The following LAMA1 variants were observed in gnomAD, a reference collection of about 807,000 sequenced individuals.
The protein encoded by LAMA1 is laminin subunit alpha-1.
A neutral mutation model predicts 348.7 loss-of-function variants in LAMA1; 219 were observed. The ratio of observed to expected loss-of-function variants is 0.63; its 90% CI spans 0.56 to 0.70. LAMA1 has a LOEUF of 0.70. Ranked by LOEUF, LAMA1 falls within the 30% of genes least tolerant of loss-of-function variation. The probability of loss-of-function intolerance (pLI) is 0.00; values close to 1 mark genes in which losing one functional copy is unlikely to be tolerated. For missense variants in LAMA1, 3,744 were observed against 3,888.0 expected (o/e 0.96, Z 0.99); for synonymous variants, 1,487 against 1,491.0 (o/e 1.00, Z 0.06).
chr18:6,947,155 G>A lies in LAMA1; in HGVS notation c.8844+8C>T, dbSNP rs775289886. 1 of 1,614,174 alleles carries A rather than the reference G, an allele frequency of 6.2e-7. No individual in the cohort carries two copies. The highest frequency in any genetic ancestry group is 2.2e-5 in the East Asian group (1 of 44,880). ...GGAGGAAGACCCTCATGGAGAGGAA[G>A]CACCCACCTTGCCGTCCACAAGCTC... On this transcript the variant is annotated splice_region_variant and intron_variant, in intron 61 of 62. Coordinates refer to ENST00000389658, the MANE Select transcript of LAMA1 (RefSeq NM_005559.4).
intron 27 of LAMA1, 30 bp from the exon 28 acceptor site, chr18:7,008,638 C>A (rs766571209): frequency 6.2e-7 from 1 of 1,612,428 alleles, no homozygotes; most frequent in Admixed American, 1.7e-5. Context: ...AGAGAGGAAA[C>A]GCTAACATTT....
rs2057571315 is a variant in LAMA1, at chr18:6,955,461, T to C, written c.8099A>G (p.Gln2700Arg). The C allele has an allele frequency of 6.2e-7, 1 of 1,613,652 alleles. No individual in the cohort carries two copies. Among genetic ancestry groups the C allele is most frequent in the East Asian group, 2.2e-5 (1 of 44,880 alleles). Residue 2700 changes from glutamine to arginine, a missense_variant, in exon 57 of 63, where the codon CAG (glutamine) becomes CGG (arginine). By Grantham distance (43) the Gln-to-Arg change is conservative. Transcript: ENST00000389658. ...LLPEPRAFPE[Q>R]CVVDAALEYV... Reference sequence around the variant, plus strand: ...CTCCAGAGCTGCATCCACCACACACTGTTCCTGTAAGAGACACACAGGGAC... The same window carrying C: ...CTCCAGAGCTGCATCCACCACACACCGTTCCTGTAAGAGACACACAGGGAC...
chr18:7,098,148 G>A (rs199983806), intron 1 of LAMA1, among the ~76,000 whole-genome samples: 3 of 151,788 alleles, frequency 2.0e-5, no homozygotes, highest in East Asian at 3.9e-4. Flanking sequence ...CCTTCACTCA[G>A]TGCTCAATGG....
At chr18:7,116,974 A>G (rs2058359507) in intron 1 of LAMA1, among the ~76,000 whole-genome samples, 4 of 151,800 alleles carry the variant, frequency 2.6e-5, no homozygotes, top group Non-Finnish European at 4.4e-5. Flanking sequence ...CCCACGGTCA[A>G]TCCCGCGCAG....
intron 22 of LAMA1, among the ~76,000 whole-genome samples, chr18:7,014,589 T>G (rs1568031390): frequency 6.6e-6 from 1 of 150,754 alleles, no homozygotes; most frequent in African/African-American, 2.4e-5. Context: ...ACAGTGAGCT[T>G]TGATGGTGTC....
intron 41 of LAMA1, 120 bp from the exon 42 acceptor site, chr18:6,980,757 A>G: frequency 1.5e-6 from 1 of 663,192 alleles, no homozygotes; most frequent in Non-Finnish European, 2.7e-6. Flanking sequence ...GATTCCCAAT[A>G]TTGACAGTTT....
At chr18:6,999,310 GCTTAGA>G in intron 32 of LAMA1, 129 bp downstream of exon 32, 1 of 908,186 alleles carries the variant, frequency 1.1e-6, no homozygotes, top group Non-Finnish European at 1.7e-6. Flanking sequence ...AGTGATCTAT[GCTTAGA>G]AAATAAGAAA....
At chr18:7,101,076 C>T (rs916035009) in intron 1 of LAMA1, among the ~76,000 whole-genome samples, 6 of 152,104 alleles carry the variant, frequency 3.9e-5, no homozygotes, top group African/African-American at 1.4e-4. Flanking sequence ...ATTTCCAGAA[C>T]AGGCACTTCC....
intron 49 of LAMA1, 37 bp downstream of exon 49, chr18:6,966,110 T>C (rs1253837140): frequency 6.2e-7 from 1 of 1,610,726 alleles, no homozygotes; most frequent in Non-Finnish European, 8.5e-7. Flanking sequence ...TAAATGTGTG[T>C]ATACAGTAGG....
At position 7,016,364 on chromosome 18, in the gene LAMA1, G is replaced by A. The variant is rs2057887739; in HGVS notation, c.2989+127C>T. The stretch of plus-strand genomic sequence containing the variant: ...GGACCAGAAACCAGAAAAAAGGTAT[G>A]AAATCCTCCAGGGAAAGAAGAGAAA... On this transcript the variant is annotated intron_variant, in intron 21 of 62. Coordinates refer to ENST00000389658, the MANE Select transcript of LAMA1 (RefSeq NM_005559.4). 4.7e-6 allele frequency: 5 copies of A among 1,064,298 alleles called. No homozygotes were observed. The South Asian group carries it at 6.8e-5, about 14-fold the overall frequency. The allele number at this position is 1,064,298 out of a possible 1,614,324, so 65.9% of individuals were successfully genotyped here. A position where few individuals can be genotyped will look rare whatever the true frequency, so the allele number is the denominator to read the frequency against.
chr18:7,078,401 C>T lies in LAMA1; in HGVS notation c.345+1574G>A, dbSNP rs903290769. On this transcript the variant is annotated intron_variant, in intron 3 of 62. Coordinates refer to ENST00000389658, the MANE Select transcript of LAMA1 (RefSeq NM_005559.4). ...CAGGATGGTCTCGATCTCCTGACCTCGTGATCCACCCGCCTTGGCCTCCCA... is the reference window on the plus strand; with the variant it reads ...CAGGATGGTCTCGATCTCCTGACCTTGTGATCCACCCGCCTTGGCCTCCCA... 2.2e-4 allele frequency among the ~76,000 whole-genome samples: 33 copies of T among 151,758 alleles called. No individual in the cohort carries two copies. The East Asian group carries it at 3.6e-3, about 17-fold the overall frequency.
chr18:6,973,046 C>T lies in LAMA1; in HGVS notation c.6774+11G>A, dbSNP rs376531815. On this transcript the variant is annotated intron_variant, in intron 47 of 62. Transcript: ENST00000389658. ...AATCAGTCCTGTTCAGAAGAACTTT[C>T]GTAATGTTACCTTGATTTGTCCTCC... 157 of 1,613,872 alleles carry T rather than the reference C, an allele frequency of 9.7e-5. No homozygotes were observed. The highest frequency in any genetic ancestry group is 2.5e-4 in the African/African-American group (19 of 74,900).
Position 6,977,895 on chromosome 18 carries a change from GA to G in LAMA1, c.6191-15del, listed in dbSNP as rs1248122062. 3.7e-6 allele frequency: 6 copies of G among 1,609,114 alleles called. No individual in the cohort carries two copies. Among genetic ancestry groups the G allele is most frequent in the Non-Finnish European group, 5.1e-6 (6 of 1,179,950 alleles). The stretch of plus-strand genomic sequence containing the variant: ...CAGCCAACAGAGCTAACAAATACAA[GA>G]AGGCAAGGGGTGGCAAGAAAGTTGG... On this transcript the variant is annotated splice_polypyrimidine_tract_variant and intron_variant, in intron 43 of 62. Transcript: ENST00000389658.
intron 1 of LAMA1, among the ~76,000 whole-genome samples, chr18:7,092,353 G>C (rs1317486855): frequency 6.6e-6 from 1 of 152,148 alleles, no homozygotes; most frequent in Non-Finnish European, 1.5e-5. Flanking sequence ...TAAGAATGCC[G>C]GCTGGGTGCG....
intron 1 of LAMA1, among the ~76,000 whole-genome samples, chr18:7,081,426 CTCTT>C (rs2058193038): frequency 2.0e-5 from 3 of 152,068 alleles, no homozygotes; most frequent in Admixed American, 2.0e-4. Context: ...TTTTGTCTCT[CTCTT>C]CTCTTTCTTT....
chr18:7,102,246 T>C (rs2058294046), intron 1 of LAMA1, among the ~76,000 whole-genome samples: 1 of 152,186 alleles, frequency 6.6e-6, no homozygotes, highest in Non-Finnish European at 1.5e-5. Context: ...GCCATTCTTT[T>C]GTTTAGTAAT....
In LAMA1 at chr18:6,986,178, G is replaced by T. The variant is rs903139483; in HGVS notation, c.5338C>A (p.His1780Asn). The stretch of plus-strand genomic sequence containing the variant: ...TTAGCATTGACCATGAGCAGCAGGT[G>T]GTTGCTTTCCTGCATCTTTGCCTCA... ...EAEAKMQESN[H>N]LLLMVNANLR... is the part of the protein sequence containing the mutation. The change falls in exon 37 of 63, where the codon CAC becomes AAC. Residue 1780 changes from histidine (H) to asparagine (N), a missense_variant. Physicochemically the swap from His to Asn is moderately conservative, Grantham distance 68. Transcript: ENST00000389658. 5 of 1,614,206 alleles carry T rather than the reference G, an allele frequency of 3.1e-6. No homozygotes were observed. The highest frequency in any genetic ancestry group is 1.7e-5 in the Admixed American group (1 of 60,028).
chr18:7,081,579 T>C (rs1359561404), intron 1 of LAMA1, among the ~76,000 whole-genome samples: 3 of 152,214 alleles, frequency 2.0e-5, no homozygotes, highest in African/African-American at 7.2e-5. Flanking sequence ...CCAAGATCAG[T>C]ACCAGGTCCA....
At chr18:7,062,449 C>CA (rs2058106112) in intron 3 of LAMA1, among the ~76,000 whole-genome samples, 1 of 152,176 alleles carries the variant, frequency 6.6e-6, no homozygotes, top group Non-Finnish European at 1.5e-5. Context: ...TGTCGGCCAT[C>CA]ACGCAGATGT....
Sources: gnomAD v4.1 joint callset for allele counts (sites outside exome capture counted in the v4.1 genomes callset) on GRCh38, gnomAD v4.1.1 for gene constraint, MANE v1.5 for transcripts, NCBI Gene and HGNC (gene_info 2026-07-23, HGNC 2026-07-21) for gene names.